PATE4: variants seen among roughly 807,000 people sequenced by gnomAD.
PATE4 encodes the protein prostate and testis expressed protein 4.
In PATE4, 13 loss-of-function variants were observed where a neutral mutation model predicts 8.5. That is an observed-to-expected ratio of 1.53 (90% CI 1.00 to 2.43). PATE4 has a LOEUF of 2.43. PATE4 is among the 30% of genes most tolerant of loss of function. The probability of loss-of-function intolerance (pLI) is 0.00; values close to 1 mark genes in which losing one functional copy is unlikely to be tolerated. For synonymous variants in PATE4, 47 were observed against 39.3 expected, an observed-to-expected ratio of 1.20 and a Z score of -0.73; for missense variants, 127 against 115.5, an observed-to-expected ratio of 1.10 and a Z score of -0.46.
At position 125,837,919 on chromosome 11, in the gene PATE4, T is replaced by A; in HGVS notation, c.110T>A (p.Met37Lys). The A allele has an allele frequency of 6.4e-7, 1 of 1,551,650 alleles. No homozygotes were observed. Among genetic ancestry groups the A allele is most frequent in the East Asian group, 2.4e-5 (1 of 40,924 alleles). Residue 37 changes from methionine (M) to lysine (K), a missense_variant, in exon 2 of 3, where the codon ATG becomes AAG. By Grantham distance (95) the Met-to-Lys change is moderately conservative (BLOSUM62 -1). Coordinates refer to ENST00000457514, the MANE Select transcript of PATE4 (RefSeq NM_001144874.1). Reference protein sequence around the residue: ...TCIYTEGWKCMAGRGTCIAKE... With the variant: ...TCIYTEGWKCKAGRGTCIAKE... ...ATATACACAGAAGGATGGAAGTGTA[T>A]GGCAGGCCGAGGCACTTGCATTGCA...
chr11:125,833,404 C>G lies in PATE4; in HGVS notation c.45C>G (p.Leu15=), dbSNP rs1344266659. 5 of 1,551,522 alleles carry G rather than the reference C, an allele frequency of 3.2e-6. No homozygotes were observed. In the Admixed American group the frequency reaches 9.8e-5, roughly 30 times the overall value. Residue 15 remains leucine, a synonymous_variant, in exon 1 of 3, where the codon CTC becomes CTG. Coordinates refer to ENST00000457514, the MANE Select transcript of PATE4 (RefSeq NM_001144874.1). ...TGCTCCTTGTGAGCTTATCTTTTCT[C>G]TACCTCAAAGAGGGTAAGTTTGAAC... ...NTLLLVSLSF[L]YLKEVMGLKC...
intron 1 of PATE4, among the ~76,000 whole-genome samples, chr11:125,837,034 C>T (rs1943924890): frequency 2.0e-5 from 3 of 152,154 alleles, no homozygotes; most frequent in Admixed American, 1.3e-4. Flanking sequence ...TGAAGAGATG[C>T]CACAAGACCA....
Position 125,838,429 on chromosome 11 carries a change from G to A in PATE4, c.*2G>A, listed in dbSNP as rs1393693212. ...AGAAACTTCTGTAATGTCTTCTAAT[G>A]GAGCTTAGGAACTTGCAGAGGATCA... On this transcript the variant is annotated 3_prime_UTR_variant, in exon 3 of 3. Coordinates refer to ENST00000457514, the MANE Select transcript of PATE4 (RefSeq NM_001144874.1). 1 of 1,541,622 alleles carries A rather than the reference G, an allele frequency of 6.5e-7. No individual in the cohort carries two copies. The highest frequency in any genetic ancestry group is 8.7e-7 in the Non-Finnish European group (1 of 1,144,566).
chr11:125,838,386 GT>G lies in PATE4; in HGVS notation c.257del (p.Val86GlyfsTer17), dbSNP rs1943936044. On this transcript the variant is annotated frameshift_variant, in exon 3 of 3. Coordinates refer to ENST00000457514, the MANE Select transcript of PATE4 (RefSeq NM_001144874.1). LOFTEE classifies it high-confidence loss of function. ...EESSKRGLLRVTLCCDRNFCN... is the reference protein window; with the variant it reads ...EESSKRGLLRXTLCCDRNFCN... ...GTCCTCCAAAAGAGGCCTGTTGAGA[GT>G]GACACTGTGCTGTGACAGAAACTTC... 1 of 1,551,430 alleles carries G rather than the reference GT, an allele frequency of 6.4e-7. No homozygotes were observed. The highest frequency in any genetic ancestry group is 2.0e-5 in the Admixed American group (1 of 50,960).
chr11:125,834,320 C>A (rs572017391), intron 1 of PATE4, among the ~76,000 whole-genome samples: 4 of 152,040 alleles, frequency 2.6e-5, no homozygotes, highest in African/African-American at 9.6e-5. Context: ...ATATGTAATG[C>A]CTCCTTTAAA....
intron 1 of PATE4, among the ~76,000 whole-genome samples, chr11:125,837,542 T>A (rs185828250): frequency 2.7e-4 from 41 of 152,330 alleles, no homozygotes; most frequent in African/African-American, 9.9e-4. Context: ...CCCACAGTAA[T>A]CTGCCTGTTG....
At chr11:125,838,254 C>G (rs753326701) in intron 2 of PATE4, 52 bp from the exon 3 acceptor site, 20 of 1,480,694 alleles carry the variant, frequency 1.4e-5, no homozygotes, top group Non-Finnish European at 1.8e-5. Flanking sequence ...TTTAGTAAGT[C>G]ACTAGTAAGG....
At chr11:125,836,932 C>T (rs376027393) in intron 1 of PATE4, among the ~76,000 whole-genome samples, 3 of 152,122 alleles carry the variant, frequency 2.0e-5, no homozygotes, top group Admixed American at 1.3e-4. Context: ...AATGAATAAA[C>T]TTTAGGGTTA....
intron 1 of PATE4, among the ~76,000 whole-genome samples, chr11:125,834,766 CTT>C (rs1371188428): frequency 6.6e-6 from 1 of 152,080 alleles, no homozygotes; most frequent in African/African-American, 2.4e-5. Context: ...GTGCAAATAA[CTT>C]AAATTCTCAT....
At chr11:125,837,272 C>G (rs1383605670) in intron 1 of PATE4, among the ~76,000 whole-genome samples, 2 of 152,202 alleles carry the variant, frequency 1.3e-5, no homozygotes. Flanking sequence ...CCCAAATCAC[C>G]TCTCTGTCTG....
chr11:125,838,248 G>C, intron 2 of PATE4, 58 bp from the exon 3 acceptor site: 1 of 1,472,798 alleles, frequency 6.8e-7, no homozygotes, highest in Non-Finnish European at 9.0e-7. Context: ...GTGAGTTTTA[G>C]TAAGTCACTA....
chr11:125,838,696 T>C lies in PATE4; in HGVS notation c.*269T>C. On this transcript the variant is annotated 3_prime_UTR_variant, in exon 3 of 3. Coordinates refer to ENST00000457514, the MANE Select transcript of PATE4 (RefSeq NM_001144874.1). ...CCTGATTTCTGATTTCTATCCCTTG[T>C]AGGCTAAATAATGGACCCCCAAATA... is the stretch of plus-strand genomic sequence containing the variant. 2.9e-6 allele frequency: 1 copy of C among 345,160 alleles called. No individual in the cohort carries two copies. The highest frequency in any genetic ancestry group is 5.2e-6 in the Non-Finnish European group (1 of 192,410). The allele number at this position is 345,160 out of a possible 1,614,324, so 21.4% of individuals were successfully genotyped here.
chr11:125,834,349 G>A (rs1193741509), intron 1 of PATE4, among the ~76,000 whole-genome samples: 1 of 151,842 alleles, frequency 6.6e-6, no homozygotes, highest in East Asian at 1.9e-4. Flanking sequence ...AAAGGAAAAG[G>A]CCAACAACCT....
At chr11:125,833,455 G>T (rs1388139810) in intron 1 of PATE4, 38 bp downstream of exon 1, 1 of 1,523,764 alleles carries the variant, frequency 6.6e-7, no homozygotes, top group Admixed American at 2.0e-5. Flanking sequence ...AGGCAACTTA[G>T]GGGTGCTGTT....
At position 125,837,874 on chromosome 11, in the gene PATE4, G is replaced by A. The variant is rs1411269002; in HGVS notation, c.65G>A (p.Gly22Asp). The change falls in exon 2 of 3, where the codon GGT (glycine) becomes GAT (aspartate). Residue 22 changes from glycine (G) to aspartate (D), a missense_variant. Transcript: ENST00000457514. ...LSFLYLKEVM[G>D]LKCNTCIYTE... ...TATTCTCTCCACCCTGCAGTTATGG[G>A]TCTGAAGTGTAATACCTGCATATAC... 4 of 1,550,378 alleles carry A rather than the reference G, an allele frequency of 2.6e-6. No individual in the cohort carries two copies. The highest frequency in any genetic ancestry group is 2.7e-5 in the African/African-American group (2 of 72,986).
intron 1 of PATE4, among the ~76,000 whole-genome samples, chr11:125,837,243 C>T (rs2134201186): frequency 6.6e-6 from 1 of 152,314 alleles, no homozygotes. Context: ...TCTCCTCTTA[C>T]CTCCTGGTCA....
At position 125,833,337 on chromosome 11, in the gene PATE4, T is replaced by A; in HGVS notation, c.-23T>A. ...TTCCAATACCTCACTCAGCACACCG[T>A]CTGTCACCCAAACAAGCATCCAATG... On this transcript the variant is annotated 5_prime_UTR_variant, in exon 1 of 3. Transcript: ENST00000457514. 1.9e-6 allele frequency: 3 copies of A among 1,550,766 alleles called. No homozygotes were observed. The highest frequency in any genetic ancestry group is 2.6e-6 in the Non-Finnish European group (3 of 1,146,254).
chr11:125,837,278 G>A (rs112609685), intron 1 of PATE4, among the ~76,000 whole-genome samples: 110 of 152,214 alleles, frequency 7.2e-4, no homozygotes, highest in African/African-American at 7.2e-4. Context: ...TCACCTCTCT[G>A]TCTGCCTGGT....
At chr11:125,838,251 A>ATT in intron 2 of PATE4, 55 bp from the exon 3 acceptor site, 1 of 1,475,498 alleles carries the variant, frequency 6.8e-7, no homozygotes, top group Admixed American at 2.6e-5. Flanking sequence ...AGTTTTAGTA[A>ATT]GTCACTAGTA....
Sources: allele counts gnomAD v4.1 joint callset (sites outside exome capture counted in the v4.1 genomes callset), GRCh38; gene constraint gnomAD v4.1.1; transcripts MANE v1.5; gene names NCBI Gene and HGNC (gene_info 2026-07-23, HGNC 2026-07-21).